NAALADL2: variants seen among roughly 807,000 people sequenced by gnomAD.
NAALADL2 encodes inactive N-acetylated-alpha-linked acidic dipeptidase-like protein 2.
NAALADL2 carries 76 observed loss-of-function variants against 87.2 expected under a neutral mutation model. That is an observed-to-expected ratio of 0.87 (90% CI 0.72 to 1.05). NAALADL2 has a LOEUF of 1.05. Ranked by LOEUF, NAALADL2 falls within the 50% of genes least tolerant of loss-of-function variation. The probability of loss-of-function intolerance (pLI) is 0.00; values close to 1 mark genes in which losing one functional copy is unlikely to be tolerated. For missense variants in NAALADL2, 1,089 were observed against 945.8 expected, an observed-to-expected ratio of 1.15 and a Z score of -1.99; for synonymous variants, 354 against 331.0, an observed-to-expected ratio of 1.07 and a Z score of -0.75.
chr3:174,946,977 C>A (rs377536980), intron 1 of NAALADL2, among the ~76,000 whole-genome samples: 1 of 152,262 alleles, frequency 6.6e-6, no homozygotes, highest in East Asian at 1.9e-4. Flanking sequence ...TACTTGCTAA[C>A]AAAAATAAAC....
intron 2 of NAALADL2, among the ~76,000 whole-genome samples, chr3:175,133,817 C>T (rs930084249): frequency 3.3e-5 from 5 of 152,120 alleles, no homozygotes; most frequent in African/African-American, 1.2e-4. Context: ...TTTTTAATAG[C>T]TTGTGGTTAG....
intron 10 of NAALADL2, among the ~76,000 whole-genome samples, chr3:175,617,786 C>A (rs1436829428): frequency 6.6e-6 from 1 of 152,130 alleles, no homozygotes; most frequent in African/African-American, 2.4e-5. Flanking sequence ...GAAGCTTTAC[C>A]AAGGCCTCTC....
At chr3:175,044,003 G>A (rs533918355) in intron 1 of NAALADL2, among the ~76,000 whole-genome samples, 1 of 152,154 alleles carries the variant, frequency 6.6e-6, no homozygotes, top group Admixed American at 6.5e-5. Flanking sequence ...CTTCCAATCT[G>A]TGAGCATAGG....
chr3:174,996,376 A>G (rs959558434), intron 1 of NAALADL2, among the ~76,000 whole-genome samples: 5 of 151,968 alleles, frequency 3.3e-5, no homozygotes, highest in African/African-American at 1.2e-4. Context: ...AGGTGCCTGT[A>G]GTCTCAGCTA....
intron 11 of NAALADL2, among the ~76,000 whole-genome samples, chr3:175,702,311 C>G (rs1323691398): frequency 6.6e-6 from 1 of 152,096 alleles, no homozygotes; most frequent in East Asian, 1.9e-4. Context: ...GGAATTTTCA[C>G]TGGTGAATCT....
At chr3:175,294,660 C>A (rs984042333) in intron 4 of NAALADL2, among the ~76,000 whole-genome samples, 2 of 151,554 alleles carry the variant, frequency 1.3e-5, no homozygotes, top group East Asian at 3.9e-4. Flanking sequence ...TCTGTAGTTT[C>A]AAAAAAAATA....
intron 9 of NAALADL2, among the ~76,000 whole-genome samples, chr3:175,496,727 T>A (rs888803711): frequency 2.6e-5 from 4 of 151,926 alleles, no homozygotes; most frequent in African/African-American, 9.7e-5. Context: ...CTATTTTTTG[T>A]GTGGTTTTTT....
intron 5 of NAALADL2, among the ~76,000 whole-genome samples, chr3:175,328,343 A>G (rs1459403524): frequency 6.6e-6 from 1 of 151,762 alleles, no homozygotes; most frequent in Non-Finnish European, 1.5e-5. Context: ...ATTTATTTGT[A>G]TTATCCTCAT....
chr3:175,757,668 G>T lies in NAALADL2; in HGVS notation c.2189+2250G>T, dbSNP rs150648652. 6.0e-3 allele frequency among the ~76,000 whole-genome samples: 915 copies of T among 152,048 alleles called. 2 individuals are homozygous for T. Among genetic ancestry groups the T allele is most frequent in the Non-Finnish European group, 9.2e-3 (624 of 67,906 alleles). Reference sequence around the variant, plus strand: ...ATATGGTTAAGACACTTTGTTTGCTGCTTGTATTTTTTTAAGCATCAGGGA... The same window carrying T: ...ATATGGTTAAGACACTTTGTTTGCTTCTTGTATTTTTTTAAGCATCAGGGA... On this transcript the variant is annotated intron_variant, in intron 13 of 13. Transcript: ENST00000454872.
chr3:174,710,512 C>T (rs1210038577), intron 2 of NAALADL2, among the ~76,000 whole-genome samples: 2 of 152,130 alleles, frequency 1.3e-5, no homozygotes, highest in Non-Finnish European at 2.9e-5. Context: ...CCTTGGCCTC[C>T]CAAAGTGCTG....
At chr3:175,793,116 T>C (rs951823780) in intron 13 of NAALADL2, among the ~76,000 whole-genome samples, 1 of 152,122 alleles carries the variant, frequency 6.6e-6, no homozygotes. Context: ...ATTATGACAA[T>C]TGAGATCAGA....
chr3:174,678,849 A>T (rs139092601), intron 2 of NAALADL2, among the ~76,000 whole-genome samples: 1,809 of 152,262 alleles, frequency 0.012, 39 homozygotes, highest in African/African-American at 0.041. Flanking sequence ...TCTCCTAGCA[A>T]ATCACAGACG....
At chr3:175,132,163 G>A (rs1309020638) in intron 2 of NAALADL2, among the ~76,000 whole-genome samples, 58 of 115,112 alleles carry the variant, frequency 5.0e-4, no homozygotes, top group African/African-American at 6.7e-4. Flanking sequence ...CTCCCGGACG[G>A]GGCAGCTGGC....
chr3:174,727,680 G>C (rs1732332836), intron 2 of NAALADL2, among the ~76,000 whole-genome samples: 1 of 152,012 alleles, frequency 6.6e-6, no homozygotes, highest in Non-Finnish European at 1.5e-5. Flanking sequence ...TCCTCCACCA[G>C]TGTGATATAT....
chr3:175,329,802 C>G (rs1233006775), intron 5 of NAALADL2, among the ~76,000 whole-genome samples: 1 of 152,114 alleles, frequency 6.6e-6, no homozygotes, highest in Non-Finnish European at 1.5e-5. Context: ...TTATTCATAA[C>G]ATCTTGAAAA....
chr3:175,241,793 C>T (rs1464222070), intron 3 of NAALADL2, among the ~76,000 whole-genome samples: 1 of 149,162 alleles, frequency 6.7e-6, no homozygotes, highest in African/African-American at 2.5e-5. Flanking sequence ...GGACTGTTTT[C>T]ATTTTCCCCA....
intron 2 of NAALADL2, among the ~76,000 whole-genome samples, chr3:175,099,282 T>G (rs1166161084): frequency 3.9e-5 from 6 of 152,124 alleles, no homozygotes; most frequent in African/African-American, 1.4e-4. Flanking sequence ...CATTCCAGTC[T>G]TACACTCCAA....
intron 1 of NAALADL2, among the ~76,000 whole-genome samples, chr3:174,997,297 G>T (rs1017997710): frequency 1.3e-5 from 2 of 151,968 alleles, no homozygotes; most frequent in Non-Finnish European, 2.9e-5. Context: ...CACCAGCAGT[G>T]TAACAGTGTT....
chr3:175,438,541 G>A (rs1213708671), intron 5 of NAALADL2, among the ~76,000 whole-genome samples: 1 of 152,026 alleles, frequency 6.6e-6, no homozygotes, highest in African/African-American at 2.4e-5. Context: ...TTTCATAAAA[G>A]TGCAGCAGAA....
Sources: allele counts gnomAD v4.1 joint callset (sites outside exome capture counted in the v4.1 genomes callset), GRCh38; gene constraint gnomAD v4.1.1; transcripts MANE v1.5; gene names NCBI Gene and HGNC (gene_info 2026-07-23, HGNC 2026-07-21).